NDNF: variants seen among roughly 807,000 people sequenced by gnomAD.
The protein encoded by NDNF is protein NDNF.
Under a neutral mutation model 42.0 loss-of-function variants are expected in NDNF, and 16 were observed. The observed-to-expected ratio is 0.38, with a 90% CI of 0.26 to 0.58. NDNF has a LOEUF of 0.58. NDNF is among the 20% of genes least tolerant of loss of function. The probability of loss-of-function intolerance (pLI) is 0.67; values close to 1 mark genes in which losing one functional copy is unlikely to be tolerated. For synonymous variants in NDNF, 248 were observed against 251.7 expected, an observed-to-expected ratio of 0.99 and a Z score of 0.14; for missense variants, 616 against 666.2, an observed-to-expected ratio of 0.92 and a Z score of 0.83.
In NDNF at chr4:121,036,428, A is replaced by G; in HGVS notation, c.1543T>C (p.Cys515Arg). The part of the protein sequence containing the change: ...DIRKKSEKVL[C>R]KYFHSQNLQK... ...AGGTTTTGACTGTGGAAATATTTACAGAGGACCTTTTCTGACTTCTTCCTT... is the reference window on the plus strand; with the variant it reads ...AGGTTTTGACTGTGGAAATATTTACGGAGGACCTTTTCTGACTTCTTCCTT... Residue 515 changes from cysteine to arginine, a missense_variant, in exon 4 of 4, where the codon TGT (cysteine) becomes CGT (arginine). Coordinates refer to ENST00000379692, the MANE Select transcript of NDNF (RefSeq NM_024574.4). 1 of 1,614,200 alleles carries G rather than the reference A, an allele frequency of 6.2e-7. No individual in the cohort carries two copies. Among genetic ancestry groups the G allele is most frequent in the Non-Finnish European group, 8.5e-7 (1 of 1,180,034 alleles).
At chr4:121,048,564 G>A (rs935885698) in intron 1 of NDNF, among the ~76,000 whole-genome samples, 2 of 152,234 alleles carry the variant, frequency 1.3e-5, no homozygotes, top group African/African-American at 4.8e-5. Flanking sequence ...TTCTGGCTGG[G>A]CGCAGTGGCT....
At chr4:121,042,691 A>G (rs1727018820) in intron 2 of NDNF, among the ~76,000 whole-genome samples, 1 of 152,186 alleles carries the variant, frequency 6.6e-6, no homozygotes. Flanking sequence ...TTACAAAGGA[A>G]TAGGTACAAC....
chr4:121,048,300 C>T (rs112813751), intron 1 of NDNF, among the ~76,000 whole-genome samples: 1,965 of 152,256 alleles, frequency 0.013, 45 homozygotes, highest in African/African-American at 0.045. Context: ...CACTTGAAAG[C>T]GAGATACACA....
rs1727619125 is a variant in NDNF, at chr4:121,072,237, C to G, written c.-246G>C. On this transcript the variant is annotated 5_prime_UTR_variant, in exon 1 of 4. Coordinates refer to ENST00000379692, the MANE Select transcript of NDNF (RefSeq NM_024574.4). ...GCGAGGGCGGGCGGCGCGCGGTCGCCGAAGTTGCTGCGAAGTGGAGTAGGG... is the reference window on the plus strand; with the variant it reads ...GCGAGGGCGGGCGGCGCGCGGTCGCGGAAGTTGCTGCGAAGTGGAGTAGGG... 1.3e-5 allele frequency: 2 copies of G among 152,816 alleles called. No homozygotes were observed. The highest frequency in any genetic ancestry group is 2.9e-5 in the Non-Finnish European group (2 of 68,628). The allele number at this position is 152,816 out of a possible 1,614,324, so 9.5% of individuals were successfully genotyped here.
intron 1 of NDNF, among the ~76,000 whole-genome samples, chr4:121,066,829 T>A (rs146443123): frequency 6.6e-6 from 1 of 152,330 alleles, no homozygotes; most frequent in East Asian, 1.9e-4. Context: ...ATATAGTCCA[T>A]ATTTTTGGCT....
Position 121,036,339 on chromosome 4 carries a change from A to G in NDNF, c.1632T>C (p.Asp544=), listed in dbSNP as rs771582859. The part of the protein sequence containing the change: ...GLQPGKSYLL[D]VYVIGHGGHS... ...GCCCCCCATGTCCTATGACATAAACATCCAGCAGGTAAGATTTGCCAGGCT... is the reference window on the plus strand; with the variant it reads ...GCCCCCCATGTCCTATGACATAAACGTCCAGCAGGTAAGATTTGCCAGGCT... Residue 544 remains aspartate (D), a synonymous_variant, in exon 4 of 4, where the codon GAT becomes GAC. Transcript: ENST00000379692. The G allele has an allele frequency of 6.2e-7, 1 of 1,614,120 alleles. No homozygotes were observed. The highest frequency in any genetic ancestry group is 1.3e-5 in the African/African-American group (1 of 75,048).
intron 2 of NDNF, among the ~76,000 whole-genome samples, chr4:121,040,801 T>A (rs2148763827): frequency 6.6e-6 from 1 of 152,194 alleles, no homozygotes; most frequent in Non-Finnish European, 1.5e-5. Context: ...TGCCACCATA[T>A]CTGGCTAATT....
Position 121,037,445 on chromosome 4 carries a change from ACT to A in NDNF, c.524_525del (p.Glu175ValfsTer4). On this transcript the variant is annotated frameshift_variant, in exon 4 of 4. Coordinates refer to ENST00000379692, the MANE Select transcript of NDNF (RefSeq NM_024574.4). LOFTEE classifies it high-confidence loss of function. ...TTPESDQPYP[E>X]LPYDPRVDVT... ...ACATCTACTCTTGGGTCATAGGGTA[ACT>A]CAGGGTATGGCTGATCAGATTCTGG... 1 of 1,614,130 alleles carries A rather than the reference ACT, an allele frequency of 6.2e-7. No individual in the cohort carries two copies. Among genetic ancestry groups the A allele is most frequent in the Non-Finnish European group, 8.5e-7 (1 of 1,180,020 alleles).
chr4:121,069,929 T>A (rs1302892394), intron 1 of NDNF, among the ~76,000 whole-genome samples: 1 of 152,212 alleles, frequency 6.6e-6, no homozygotes, highest in Non-Finnish European at 1.5e-5. Flanking sequence ...AAATGGGAAT[T>A]GGGACCATAA....
At chr4:121,046,869 G>T (rs1052457455) in intron 1 of NDNF, among the ~76,000 whole-genome samples, 2 of 152,078 alleles carry the variant, frequency 1.3e-5, no homozygotes, top group Non-Finnish European at 2.9e-5. Flanking sequence ...GACATGACAG[G>T]TCTCATGAAA....
rs1360954420 is a variant in NDNF, at chr4:121,072,070, C to T, written c.-79G>A. On this transcript the variant is annotated 5_prime_UTR_variant, in exon 1 of 4. Coordinates refer to ENST00000379692, the MANE Select transcript of NDNF (RefSeq NM_024574.4). Reference sequence around the variant, plus strand: ...GTGTGGTGTGCGAAATAGTCCACGTCCCCGGACCCTGCCAAGATGCTAAGC... The same window carrying T: ...GTGTGGTGTGCGAAATAGTCCACGTTCCCGGACCCTGCCAAGATGCTAAGC... The T allele has an allele frequency of 6.6e-6, 1 of 152,232 alleles. No individual in the cohort carries two copies. The highest frequency in any genetic ancestry group is 2.4e-5 in the African/African-American group (1 of 41,444). The allele number at this position is 152,232 out of a possible 1,614,324, so 9.4% of individuals were successfully genotyped here. A position where few individuals can be genotyped will look rare whatever the true frequency, so the allele number is the denominator to read the frequency against.
At chr4:121,062,765 G>T (rs1229039865) in intron 1 of NDNF, among the ~76,000 whole-genome samples, 4 of 152,026 alleles carry the variant, frequency 2.6e-5, no homozygotes, top group South Asian at 2.1e-4. Context: ...GCTGCAGCTG[G>T]TGAGTGTCGC....
In NDNF at chr4:121,072,110, A is replaced by T. The variant is rs1001650942; in HGVS notation, c.-119T>A. On this transcript the variant is annotated 5_prime_UTR_variant, in exon 1 of 4. Coordinates refer to ENST00000379692, the MANE Select transcript of NDNF (RefSeq NM_024574.4). ...AGATGCTAAGCACCAATATCCAGGA[A>T]CGAGAAGCCTGGAGGGCGGGGACGG... is the stretch of plus-strand genomic sequence containing the variant. 1 of 152,394 alleles carries T rather than the reference A, an allele frequency of 6.6e-6. No individual in the cohort carries two copies. Among genetic ancestry groups the T allele is most frequent in the Admixed American group, 6.5e-5 (1 of 15,286 alleles). 9.4% of individuals were successfully genotyped at this position (152,394 alleles called of 1,614,324 possible).
intron 2 of NDNF, among the ~76,000 whole-genome samples, chr4:121,045,015 A>C (rs1038281904): frequency 6.6e-6 from 1 of 152,204 alleles, no homozygotes; most frequent in Non-Finnish European, 1.5e-5. Context: ...TATTCATGAA[A>C]ATTGATTTCA....
intron 1 of NDNF, among the ~76,000 whole-genome samples, chr4:121,061,855 G>C (rs1434294610): frequency 1.3e-5 from 2 of 152,176 alleles, no homozygotes; most frequent in East Asian, 3.8e-4. Flanking sequence ...ATTAAACCAT[G>C]ATCGGCTTTG....
intron 1 of NDNF, among the ~76,000 whole-genome samples, chr4:121,063,090 T>C (rs532285091): frequency 1.1e-3 from 163 of 152,290 alleles, no homozygotes; most frequent in African/African-American, 3.8e-3. Flanking sequence ...TAAAAACTAA[T>C]TTAAAAATAA....
chr4:121,048,729 T>C (rs945750800), intron 1 of NDNF, among the ~76,000 whole-genome samples: 4 of 151,938 alleles, frequency 2.6e-5, no homozygotes, highest in Admixed American at 6.6e-5. Flanking sequence ...TCCCAGCTAC[T>C]TGGGAGGCTG....
At chr4:121,039,157 G>GTATATATATGTA (rs1560603095) in intron 3 of NDNF, among the ~76,000 whole-genome samples, 356 of 6,450 alleles carry the variant, frequency 0.055, 35 homozygotes, top group Non-Finnish European at 0.16. Context: ...ATATATATAT[G>GTATATATATGTA]TATATATATA....
intron 1 of NDNF, among the ~76,000 whole-genome samples, chr4:121,069,619 A>G (rs1401981491): frequency 1.3e-5 from 2 of 152,230 alleles, no homozygotes; most frequent in Non-Finnish European, 2.9e-5. Flanking sequence ...CTGACACAAA[A>G]ATGAAAGCAA....
Sources: allele counts gnomAD v4.1 joint callset (sites outside exome capture counted in the v4.1 genomes callset), GRCh38; gene constraint gnomAD v4.1.1; transcripts MANE v1.5; gene names NCBI Gene and HGNC (gene_info 2026-07-23, HGNC 2026-07-21).